The following DSCAM variants were observed in gnomAD, a reference collection of about 807,000 sequenced individuals.
The protein encoded by DSCAM is DS cell adhesion molecule, also known as cell adhesion molecule DSCAM.
Under a neutral mutation model 217.7 loss-of-function variants are expected in DSCAM, and 47 were observed. The ratio of observed to expected loss-of-function variants is 0.22; its 90% CI spans 0.17 to 0.28. The LOEUF (loss-of-function observed/expected upper bound fraction) is 0.28. DSCAM is among the 10% of genes least tolerant of loss of function. The pLI is 1.00. For synonymous variants in DSCAM, 1,056 were observed against 1,015.3 expected (o/e 1.04, Z -0.76); for missense variants, 2,080 against 2,618.3 (o/e 0.79, Z 4.49).
At chr21:40,697,843 G>T (rs1266816132) in intron 2 of DSCAM, among the ~76,000 whole-genome samples, 1 of 152,160 alleles carries the variant, frequency 6.6e-6, no homozygotes, top group East Asian at 1.9e-4. Context: ...TTCATACAAA[G>T]TTAAGGATTT....
At chr21:40,628,361 C>T (rs766061457) in intron 3 of DSCAM, among the ~76,000 whole-genome samples, 47 of 152,170 alleles carry the variant, frequency 3.1e-4, no homozygotes, top group Non-Finnish European at 5.4e-4. Flanking sequence ...TGCACTTCTA[C>T]AAATTACTGT....
Position 40,012,412 on chromosome 21 carries a change from A to AT in DSCAM, c.*621dup, listed in dbSNP as rs1463660698. ...GAAGACGAGAGAAGCAGACATGGAA[A>AT]TAAAGGCAGACAACCTTTTCTTTTT... is the stretch of plus-strand genomic sequence containing the variant. On this transcript the variant is annotated 3_prime_UTR_variant, in exon 33 of 33. Coordinates refer to ENST00000400454, the MANE Select transcript of DSCAM (RefSeq NM_001389.5). The AT allele has an allele frequency of 6.6e-6, 1 of 152,174 alleles. No homozygotes were observed. The highest frequency in any genetic ancestry group is 1.5e-5 in the Non-Finnish European group (1 of 68,048). The allele number at this position is 152,174 out of a possible 1,614,324, so 9.4% of individuals were successfully genotyped here.
chr21:40,286,715 T>C (rs145651277), intron 10 of DSCAM, among the ~76,000 whole-genome samples: 2 of 150,034 alleles, frequency 1.3e-5, no homozygotes, highest in South Asian at 2.2e-4. Context: ...CAGTGTCATC[T>C]GCAGTGTGAT....
chr21:40,727,918 C>A (rs1302466344), intron 1 of DSCAM, among the ~76,000 whole-genome samples: 1 of 152,124 alleles, frequency 6.6e-6, no homozygotes, highest in Admixed American at 6.5e-5. Flanking sequence ...CGTCTCTAGA[C>A]CACCCCTGCA....
intron 10 of DSCAM, among the ~76,000 whole-genome samples, chr21:40,281,417 C>T (rs547543600): frequency 6.6e-6 from 1 of 152,146 alleles, no homozygotes; most frequent in South Asian, 2.1e-4. Flanking sequence ...ATAGGGACCA[C>T]GTTGCAATGA....
chr21:40,047,522 T>C (rs1162647201), intron 30 of DSCAM, among the ~76,000 whole-genome samples: 1 of 152,212 alleles, frequency 6.6e-6, no homozygotes, highest in African/African-American at 2.4e-5. Context: ...ATTAAGCTTC[T>C]GCCCATTGAA....
chr21:40,141,367 C>A (rs1017618501), intron 18 of DSCAM, among the ~76,000 whole-genome samples: 1 of 152,190 alleles, frequency 6.6e-6, no homozygotes, highest in Non-Finnish European at 1.5e-5. Flanking sequence ...GTAATCCCAG[C>A]ACTTTGGGAG....
intron 8 of DSCAM, among the ~76,000 whole-genome samples, chr21:40,324,901 G>A (rs1337320106): frequency 6.6e-6 from 1 of 152,088 alleles, no homozygotes; most frequent in Non-Finnish European, 1.5e-5. Flanking sequence ...TGTTTATATG[G>A]ACTTCTGATG....
intron 8 of DSCAM, among the ~76,000 whole-genome samples, chr21:40,314,128 G>A (rs1478514157): frequency 2.6e-5 from 4 of 152,182 alleles, no homozygotes; most frequent in Admixed American, 6.5e-5. Flanking sequence ...CTCTGCCAGT[G>A]GAGCTTCCAT....
chr21:40,573,786 GTAA>G (rs2076827460), intron 3 of DSCAM, among the ~76,000 whole-genome samples: 1 of 152,040 alleles, frequency 6.6e-6, no homozygotes, highest in Non-Finnish European at 1.5e-5. Flanking sequence ...ATCTATATCA[GTAA>G]TAAAAGTAGT....
chr21:40,334,771 T>A (rs1048410274), intron 8 of DSCAM, among the ~76,000 whole-genome samples: 2 of 152,120 alleles, frequency 1.3e-5, no homozygotes, highest in East Asian at 3.9e-4. Context: ...TCTCAGCCTC[T>A]GGAGTATCTG....
intron 11 of DSCAM, among the ~76,000 whole-genome samples, chr21:40,250,399 A>G (rs2073286758): frequency 6.6e-6 from 1 of 152,246 alleles, no homozygotes; most frequent in African/African-American, 2.4e-5. Context: ...AAGAGTGTAT[A>G]TATGACACTA....
chr21:40,687,304 T>A (rs1400095575), intron 3 of DSCAM, among the ~76,000 whole-genome samples: 1 of 152,224 alleles, frequency 6.6e-6, no homozygotes, highest in Non-Finnish European at 1.5e-5. Flanking sequence ...TCTAGGTTTT[T>A]TTTAAATTTC....
chr21:40,297,470 G>A (rs1375338627), intron 9 of DSCAM, among the ~76,000 whole-genome samples: 1 of 152,132 alleles, frequency 6.6e-6, no homozygotes, highest in Admixed American at 6.5e-5. Flanking sequence ...GAAATTCCTG[G>A]TAAGGCTAAT....
intron 1 of DSCAM, among the ~76,000 whole-genome samples, chr21:40,713,442 G>T (rs377331605): frequency 6.6e-5 from 10 of 152,112 alleles, no homozygotes; most frequent in African/African-American, 2.2e-4. Context: ...AAACCAAGAA[G>T]GTTAACCCCT....
At chr21:40,257,478 A>ACACACACACACACACG (rs1486794251) in intron 11 of DSCAM, among the ~76,000 whole-genome samples, 1 of 127,762 alleles carries the variant, frequency 7.8e-6, no homozygotes, top group Non-Finnish European at 1.5e-5. Flanking sequence ...GAACACACAC[A>ACACACACACACACACG]CACACACACA....
At chr21:40,056,759 ATTG>A (rs1404871065) in intron 28 of DSCAM, among the ~76,000 whole-genome samples, 1 of 152,206 alleles carries the variant, frequency 6.6e-6, no homozygotes, top group Non-Finnish European at 1.5e-5. Context: ...ATCCAGCTCA[ATTG>A]TTGTTAACAC....
chr21:40,583,567 A>G (rs2076921303), intron 3 of DSCAM, among the ~76,000 whole-genome samples: 1 of 152,176 alleles, frequency 6.6e-6, no homozygotes, highest in Non-Finnish European at 1.5e-5. Flanking sequence ...GTGGGAAGGA[A>G]AAAAGAGAAG....
chr21:40,408,295 G>A (rs1490184121), intron 3 of DSCAM, among the ~76,000 whole-genome samples: 1 of 152,098 alleles, frequency 6.6e-6, no homozygotes, highest in African/African-American at 2.4e-5. Context: ...CTGTGATAGG[G>A]TGGGGGGACA....
Sources: allele counts gnomAD v4.1 joint callset (sites outside exome capture counted in the v4.1 genomes callset), GRCh38; gene constraint gnomAD v4.1.1; transcripts MANE v1.5; gene names NCBI Gene and HGNC (gene_info 2026-07-23, HGNC 2026-07-21).